The following ARHGAP6 variants were observed in gnomAD, a reference collection of about 807,000 sequenced individuals.
ARHGAP6 encodes Rho GTPase activating protein 6, also known as rho GTPase-activating protein 6.
A neutral mutation model predicts 55.7 loss-of-function variants in ARHGAP6; 16 were observed. The ratio of observed to expected loss-of-function variants is 0.29; its 90% CI spans 0.19 to 0.44. The LOEUF (loss-of-function observed/expected upper bound fraction) is 0.44. Among genes scored for constraint, ARHGAP6 ranks in the 20% least tolerant of loss-of-function variants. ARHGAP6 has a pLI of 1.00. For synonymous variants in ARHGAP6, 382 were observed against 360.9 expected (o/e 1.06, Z -0.66); for missense variants, 698 against 808.9 (o/e 0.86, Z 1.66).
chrX:11,271,476 C>T (rs1375502022), intron 1 of ARHGAP6, among the ~76,000 whole-genome samples: 1 of 110,778 alleles, frequency 9.0e-6, no homozygotes, highest in Non-Finnish European at 1.9e-5. Context: ...TTGCAAAAGT[C>T]TCTTCTCAGT....
chrX:11,218,061 A>T (rs1215496008), intron 2 of ARHGAP6, among the ~76,000 whole-genome samples: 3 of 111,269 alleles, frequency 2.7e-5, no homozygotes, highest in Non-Finnish European at 5.7e-5. Context: ...GTTCTGTTCT[A>T]TTGGTCTATA....
At chrX:11,291,800 T>C (rs2047998758) in intron 1 of ARHGAP6, among the ~76,000 whole-genome samples, 2 of 111,918 alleles carry the variant, frequency 1.8e-5, no homozygotes, top group African/African-American at 6.5e-5. Flanking sequence ...TCATATTCTA[T>C]GTTTCTTTTC....
chrX:11,375,202 T>C (rs976600523), intron 1 of ARHGAP6, among the ~76,000 whole-genome samples: 1 of 112,132 alleles, frequency 8.9e-6, no homozygotes, highest in Non-Finnish European at 1.9e-5. Context: ...AACAGATTTG[T>C]TCTGGGGCTT....
intron 1 of ARHGAP6, among the ~76,000 whole-genome samples, chrX:11,458,694 T>C (rs190960286): frequency 1.6e-4 from 18 of 112,211 alleles, no homozygotes; most frequent in African/African-American, 5.5e-4. Flanking sequence ...ATTTCTTTTA[T>C]TTAGCATGTA....
At chrX:11,401,135 T>C (rs1053248266) in intron 1 of ARHGAP6, among the ~76,000 whole-genome samples, 1 of 111,926 alleles carries the variant, frequency 8.9e-6, no homozygotes, top group Non-Finnish European at 1.9e-5. Context: ...TGCTGAAATA[T>C]AGCTTTGTGT....
intron 1 of ARHGAP6, among the ~76,000 whole-genome samples, chrX:11,518,827 T>A (rs1440411194): frequency 1.4e-5 from 1 of 73,559 alleles, no homozygotes; most frequent in African/African-American, 5.3e-5. Context: ...ATATTCCCCT[T>A]CCTGTGTCCA....
intron 1 of ARHGAP6, among the ~76,000 whole-genome samples, chrX:11,630,370 T>C (rs1277311560): frequency 8.9e-6 from 1 of 111,993 alleles, no homozygotes; most frequent in East Asian, 2.8e-4. Flanking sequence ...GTCAAATGAT[T>C]TCCAAAAGGG....
intron 1 of ARHGAP6, among the ~76,000 whole-genome samples, chrX:11,287,593 A>G (rs186716184): frequency 2.0e-4 from 22 of 112,048 alleles, no homozygotes; most frequent in Non-Finnish European, 2.8e-4. Context: ...CCTGTCCAAC[A>G]TTCAGGGTCT....
rs2240195 is a variant in ARHGAP6 at position 11,663,920 on chromosome X, T to C, written c.588+321A>G. ...CAATAGATATTTGAGTTGGAAAAAA[T>C]ATCAACATTGGGTGAAGGGATAAGG... On this transcript the variant is annotated intron_variant, in intron 1 of 12. Transcript: ENST00000337414. 1.5e-3 allele frequency among the ~76,000 whole-genome samples: 172 copies of C among 112,396 alleles called. 5 individuals carry two copies. In the East Asian group the frequency reaches 0.036, roughly 23 times the overall value.
chrX:11,457,633 C>A (rs916012591), intron 1 of ARHGAP6, among the ~76,000 whole-genome samples: 10 of 111,593 alleles, frequency 9.0e-5, no homozygotes, highest in Non-Finnish European at 1.9e-4. Flanking sequence ...GCAGACAGCT[C>A]CCCTAAATTC....
intron 8 of ARHGAP6, 109 bp downstream of exon 8, chrX:11,177,991 G>A (rs1056279976): frequency 3.1e-6 from 3 of 978,639 alleles, no homozygotes; most frequent in Non-Finnish European, 4.3e-6. Flanking sequence ...CTAGGTTGGA[G>A]AAGGGGAGAC....
chrX:11,250,963 A>G (rs1451900651), intron 2 of ARHGAP6, among the ~76,000 whole-genome samples: 2 of 112,357 alleles, frequency 1.8e-5, no homozygotes, highest in Non-Finnish European at 3.8e-5. Flanking sequence ...TCCTAACTCA[A>G]AAGAGGATAT....
chrX:11,641,693 G>A (rs1379392438), intron 1 of ARHGAP6, among the ~76,000 whole-genome samples: 3 of 111,836 alleles, frequency 2.7e-5, no homozygotes. Flanking sequence ...TATCTTTGGA[G>A]CATTTCACCA....
intron 1 of ARHGAP6, among the ~76,000 whole-genome samples, chrX:11,260,138 C>G (rs1438451539): frequency 1.8e-5 from 2 of 110,725 alleles, no homozygotes; most frequent in Non-Finnish European, 3.8e-5. Context: ...GAAAAAGGAG[C>G]CACAAGACAA....
At position 11,139,239 on chromosome X, in the gene ARHGAP6, C is replaced by T; in HGVS notation, c.2549G>A (p.Ser850Asn). The change falls in exon 13 of 13, where the codon AGC (serine) becomes AAC (asparagine). Residue 850 changes from serine to asparagine, a missense_variant. By Grantham distance (46) the Ser-to-Asn change is conservative (BLOSUM62 1). This residue lies in a region of ARHGAP6 where 212 missense variants were observed against 208.7 expected (regional missense o/e 1.02). Coordinates refer to ENST00000337414, the MANE Select transcript of ARHGAP6 (RefSeq NM_013427.3). ...YLTLSGAHDL[S>N]ESELDVAGLQ... Reference sequence around the variant, plus strand: ...CCCGGCCACATCCAGCTCACTCTCGCTGAGGTCGTGGGCGCCGCTCAGGGT... The same window carrying T: ...CCCGGCCACATCCAGCTCACTCTCGTTGAGGTCGTGGGCGCCGCTCAGGGT... 8.3e-7 allele frequency: 1 copy of T among 1,199,685 alleles called. No homozygotes were observed. The highest frequency in any genetic ancestry group is 1.1e-6 in the Non-Finnish European group (1 of 890,368).
At chrX:11,151,625 C>T (rs140690166) in intron 10 of ARHGAP6, among the ~76,000 whole-genome samples, 2,547 of 111,911 alleles carry the variant, frequency 0.023, 71 homozygotes, top group African/African-American at 0.079. Context: ...CCTCCAATAC[C>T]GATGTTGCAT....
chrX:11,632,615 G>A (rs1326498942), intron 1 of ARHGAP6, among the ~76,000 whole-genome samples: 3 of 112,095 alleles, frequency 2.7e-5, no homozygotes, highest in Non-Finnish European at 5.6e-5. Flanking sequence ...CACAGATTCC[G>A]CATGAATGGT....
At chrX:11,547,934 G>C (rs968500157) in intron 1 of ARHGAP6, among the ~76,000 whole-genome samples, 1 of 111,433 alleles carries the variant, frequency 9.0e-6, no homozygotes, top group Non-Finnish European at 1.9e-5. Context: ...TTGAAGGTTA[G>C]AGCAATGGCT....
At chrX:11,572,064 A>G (rs1471353936) in intron 1 of ARHGAP6, among the ~76,000 whole-genome samples, 1 of 111,669 alleles carries the variant, frequency 9.0e-6, no homozygotes, top group Non-Finnish European at 1.9e-5. Flanking sequence ...CCCAAAAAGC[A>G]ATGTTAACAC....
Sources: allele counts gnomAD v4.1 joint callset (sites outside exome capture counted in the v4.1 genomes callset), GRCh38; gene constraint gnomAD v4.1.1; regional missense constraint gnomAD v4.1.1; transcripts MANE v1.5; gene names NCBI Gene and HGNC (gene_info 2026-07-23, HGNC 2026-07-21).